The following RBFOX1 variants were observed in gnomAD, a reference collection of about 807,000 sequenced individuals.
RBFOX1 encodes the protein RNA binding fox-1 homolog 1.
Under a neutral mutation model 57.7 loss-of-function variants are expected in RBFOX1, and 8 were observed. That is an observed-to-expected ratio of 0.14 (90% confidence interval 0.08 to 0.25). The LOEUF is 0.25. Among genes scored for constraint, RBFOX1 ranks in the 10% least tolerant of loss-of-function variants. RBFOX1 has a pLI of 1.00. For synonymous variants in RBFOX1, 326 were observed against 222.4 expected, an observed-to-expected ratio of 1.47 and a Z score of -4.15; for missense variants, 611 against 548.5, an observed-to-expected ratio of 1.11 and a Z score of -1.14.
At chr16:5,270,500 A>G (rs1343894709) in intron 1 of RBFOX1, 4 of 682,392 alleles carry the variant, frequency 5.9e-6, no homozygotes, top group Non-Finnish European at 1.1e-5. Flanking sequence ...CTGTGACAAA[A>G]TATGTTCCAT....
chr16:5,599,111 A>T (rs2047281685), exon 3 of RBFOX1: 1 of 798,198 alleles, frequency 1.3e-6, no homozygotes, highest in African/African-American at 1.8e-5. Flanking sequence ...AGGGGAATAA[A>T]TTTTCCAGAG....
chr16:6,751,107 A>G (rs898373933), intron 3 of RBFOX1, among the ~76,000 whole-genome samples: 1 of 152,182 alleles, frequency 6.6e-6, no homozygotes, highest in Non-Finnish European at 1.5e-5. Flanking sequence ...GGTAGGACAT[A>G]GGTTTGAATA....
intron 3 of RBFOX1, among the ~76,000 whole-genome samples, chr16:5,759,697 G>A (rs2053527336): frequency 6.6e-6 from 1 of 152,158 alleles, no homozygotes; most frequent in African/African-American, 2.4e-5. Flanking sequence ...TTTCCCACAA[G>A]CCTCTCGGTC....
At chr16:7,371,214 G>C (rs957004606) in intron 4 of RBFOX1, among the ~76,000 whole-genome samples, 2 of 152,124 alleles carry the variant, frequency 1.3e-5, no homozygotes. Context: ...CATAACATTT[G>C]TGTGTTGTAT....
intron 2 of RBFOX1, among the ~76,000 whole-genome samples, chr16:6,451,568 T>C (rs2094624148): frequency 6.6e-6 from 1 of 152,158 alleles, no homozygotes; most frequent in Admixed American, 6.5e-5. Context: ...GTTTTGTAGG[T>C]ATTACCACCT....
At chr16:6,623,375 T>A (rs1601822885) in intron 2 of RBFOX1, among the ~76,000 whole-genome samples, 1 of 151,988 alleles carries the variant, frequency 6.6e-6, no homozygotes, top group East Asian at 1.9e-4. Flanking sequence ...ACAGCTCAAG[T>A]GTTCTGATTG....
chr16:6,222,432 C>T (rs1269123465), intron 1 of RBFOX1, among the ~76,000 whole-genome samples: 2 of 151,830 alleles, frequency 1.3e-5, no homozygotes, highest in Admixed American at 6.6e-5. Flanking sequence ...CTTCTGCTTG[C>T]CTGGAGCATA....
intron 3 of RBFOX1, among the ~76,000 whole-genome samples, chr16:6,679,878 G>GTTTTTTTTTTTTTTTTTT (rs71145274): frequency 1.7e-4 from 19 of 114,304 alleles, no homozygotes; most frequent in South Asian, 2.8e-4. Flanking sequence ...GTTTCTACTT[G>GTTTTTTTTTTTTTTTTTT]TTTTTTTTTT....
At chr16:6,825,255 C>CA (rs974364931) in intron 3 of RBFOX1, among the ~76,000 whole-genome samples, 1 of 150,782 alleles carries the variant, frequency 6.6e-6, no homozygotes, top group African/African-American at 2.4e-5. Flanking sequence ...TACTAGATAC[C>CA]AATGCCACAC....
chr16:5,896,960 G>A lies in RBFOX1; in HGVS notation c.351+29625G>A, dbSNP rs1363085661. ...TTCGTTTGAAAGCTACGTTACCCCC[G>A]CTATTTTTTTAAAATCATAAGGCTC... On this transcript the variant is annotated intron_variant, in intron 4 of 19. Transcript: ENST00000641259. Among the ~76,000 whole-genome samples the A allele has an allele frequency of 5.7e-5, 8 of 140,360 alleles. No homozygotes were observed. The East Asian group carries it at 8.4e-4, about 15-fold the overall frequency. The allele number at this position is 140,360 out of a possible 152,430, so 92.1% of individuals were successfully genotyped here. A position where few individuals can be genotyped will look rare whatever the true frequency, so the allele number is the denominator to read the frequency against.
intron 5 of RBFOX1, among the ~76,000 whole-genome samples, chr16:7,559,789 G>C (rs1348506056): frequency 6.6e-6 from 1 of 152,138 alleles, no homozygotes; most frequent in Non-Finnish European, 1.5e-5. Context: ...AGGCACTTAG[G>C]AGTTTCTCAA....
chr16:6,455,524 C>G (rs1332009780), intron 2 of RBFOX1, among the ~76,000 whole-genome samples: 11 of 152,176 alleles, frequency 7.2e-5, no homozygotes, highest in South Asian at 2.1e-4. Flanking sequence ...TATGAATGCA[C>G]TTATTAATCA....
chr16:7,515,732 C>T (rs1403835767), intron 4 of RBFOX1, among the ~76,000 whole-genome samples: 5 of 152,176 alleles, frequency 3.3e-5, no homozygotes, highest in Non-Finnish European at 7.3e-5. Flanking sequence ...CTTCAAATGA[C>T]GTCACTGGGA....
At chr16:6,147,937 C>G (rs911863284) in intron 1 of RBFOX1, among the ~76,000 whole-genome samples, 3 of 152,228 alleles carry the variant, frequency 2.0e-5, no homozygotes, top group African/African-American at 7.2e-5. Context: ...TCCCAGCTCT[C>G]AAGGGTCTCC....
chr16:5,284,573 A>G (rs1378828476), intron 1 of RBFOX1, among the ~76,000 whole-genome samples: 1 of 136,916 alleles, frequency 7.3e-6, no homozygotes, highest in Non-Finnish European at 1.5e-5. Flanking sequence ...ATGGAGTCTC[A>G]CTCTGTGACC....
At chr16:7,596,790 A>G (rs1186392101) in intron 8 of RBFOX1, among the ~76,000 whole-genome samples, 1 of 152,096 alleles carries the variant, frequency 6.6e-6, no homozygotes, top group East Asian at 1.9e-4. Flanking sequence ...CCTCTCTTTT[A>G]TCCTTTTGTT....
At chr16:7,263,015 C>G (rs1213765495) in intron 4 of RBFOX1, among the ~76,000 whole-genome samples, 2 of 152,222 alleles carry the variant, frequency 1.3e-5, no homozygotes, top group South Asian at 4.1e-4. Context: ...TTTGTGCAGA[C>G]TTCTGCAGCC....
intron 2 of RBFOX1, among the ~76,000 whole-genome samples, chr16:6,640,948 G>C (rs1159142570): frequency 6.6e-6 from 1 of 152,134 alleles, no homozygotes; most frequent in Non-Finnish European, 1.5e-5. Context: ...GACTGTGGCA[G>C]CCATGCTACT....
At chr16:6,075,565 G>A (rs1039736484) in intron 1 of RBFOX1, among the ~76,000 whole-genome samples, 5 of 152,064 alleles carry the variant, frequency 3.3e-5, no homozygotes, top group African/African-American at 7.2e-5. Context: ...TAAGATTTAC[G>A]CCATAGAACA....
Sources: gnomAD v4.1 joint callset for allele counts (sites outside exome capture counted in the v4.1 genomes callset) on GRCh38, gnomAD v4.1.1 for gene constraint, MANE v1.5 for transcripts, NCBI Gene and HGNC (gene_info 2026-07-23, HGNC 2026-07-21) for gene names.